Variants in ARG2 observed in about 807,000 individuals in gnomAD.
ARG2 encodes arginase-2, mitochondrial.
A neutral mutation model predicts 39.4 loss-of-function variants in ARG2; 21 were observed. The observed-to-expected ratio is 0.53, with a 90% CI of 0.38 to 0.77. The LOEUF is 0.77. Ranked by LOEUF, ARG2 falls within the 30% of genes least tolerant of loss-of-function variation. The probability of loss-of-function intolerance (pLI) is 0.00; values close to 1 mark genes in which losing one functional copy is unlikely to be tolerated. For missense variants in ARG2, 378 were observed against 426.2 expected (o/e 0.89, Z 1.00); for synonymous variants, 150 against 156.7 (o/e 0.96, Z 0.32).
At chr14:67,640,665 C>G (rs1416137651) in intron 2 of ARG2, among the ~76,000 whole-genome samples, 2 of 152,166 alleles carry the variant, frequency 1.3e-5, no homozygotes, top group African/African-American at 4.8e-5. Context: ...CCCACCAATA[C>G]CAGGACCCTA....
At chr14:67,640,082 A>G (rs1307125821) in intron 2 of ARG2, among the ~76,000 whole-genome samples, 2 of 152,114 alleles carry the variant, frequency 1.3e-5, no homozygotes, top group African/African-American at 2.4e-5. Context: ...TGAAGTCCAT[A>G]ATGACTTTAC....
intron 1 of ARG2, 109 bp downstream of exon 1, chr14:67,620,197 A>C: frequency 1.4e-6 from 1 of 694,034 alleles, no homozygotes; most frequent in Non-Finnish European, 2.3e-6. Flanking sequence ...GATGGGGAGA[A>C]ATGGCGAGGG....
chr14:67,624,281 T>C (rs980193610), intron 2 of ARG2, among the ~76,000 whole-genome samples: 2 of 97,778 alleles, frequency 2.0e-5, no homozygotes, highest in African/African-American at 1.2e-4. Context: ...AAATCTGTGT[T>C]GTTTTAAAAT....
Position 67,650,927 on chromosome 14 carries a change from CTG to C in ARG2, c.*10_*11del, listed in dbSNP as rs1425520932. 1.9e-5 allele frequency: 30 copies of C among 1,612,788 alleles called. No homozygotes were observed. Among genetic ancestry groups the C allele is most frequent in the Non-Finnish European group, 2.5e-5 (29 of 1,179,286 alleles). On this transcript the variant is annotated 3_prime_UTR_variant, in exon 8 of 8. Transcript: ENST00000261783. ...AGCACGTGTGAGAATTTAGGAGACACTGTGCACTGACATGTTTCACAACAGGC... is the reference window on the plus strand; with the variant it reads ...AGCACGTGTGAGAATTTAGGAGACACTGCACTGACATGTTTCACAACAGGC...
At chr14:67,631,652 T>C (rs2036920479) in intron 2 of ARG2, among the ~76,000 whole-genome samples, 1 of 152,038 alleles carries the variant, frequency 6.6e-6, no homozygotes, top group Non-Finnish European at 1.5e-5. Context: ...GGCTGGTGTT[T>C]AACTCCTGGC....
At chr14:67,633,373 C>T (rs965496881) in intron 2 of ARG2, among the ~76,000 whole-genome samples, 13 of 151,976 alleles carry the variant, frequency 8.6e-5, no homozygotes, top group African/African-American at 2.7e-4. Context: ...TATTCTATGG[C>T]GATGTATACT....
intron 7 of ARG2, chr14:67,648,679 G>T (rs2037133294): frequency 6.6e-6 from 1 of 152,368 alleles, no homozygotes; most frequent in African/African-American, 2.4e-5. Flanking sequence ...TAATAAGGGG[G>T]ATACAGTTAG....
intron 2 of ARG2, among the ~76,000 whole-genome samples, chr14:67,624,959 C>T (rs1594821751): frequency 6.6e-6 from 1 of 152,124 alleles, no homozygotes; most frequent in Non-Finnish European, 1.5e-5. Flanking sequence ...ACAGTGAAAC[C>T]AGGAGGCTGG....
At chr14:67,635,805 T>C (rs1374302327) in intron 2 of ARG2, among the ~76,000 whole-genome samples, 1 of 152,122 alleles carries the variant, frequency 6.6e-6, no homozygotes, top group Non-Finnish European at 1.5e-5. Context: ...TGAGCCAAGA[T>C]CACGCCACTT....
intron 4 of ARG2, 75 bp from the exon 5 acceptor site, chr14:67,646,569 C>A: frequency 8.3e-7 from 1 of 1,203,158 alleles, no homozygotes; most frequent in Non-Finnish European, 1.2e-6. Context: ...ATTGCATACC[C>A]ACGGACGCAC....
At chr14:67,636,188 C>T (rs2036970202) in intron 2 of ARG2, among the ~76,000 whole-genome samples, 1 of 152,038 alleles carries the variant, frequency 6.6e-6, no homozygotes, top group South Asian at 2.1e-4. Context: ...AAACCCATCT[C>T]TCTTGACTTG....
rs1166517212 is a variant in ARG2, at chr14:67,632,734, A to G, written c.185-9452A>G. 2.6e-5 allele frequency among the ~76,000 whole-genome samples: 4 copies of G among 151,648 alleles called. No homozygotes were observed. In the East Asian group the frequency reaches 7.7e-4, roughly 29 times the overall value. ...AGATTCACATAAATTTGAAAAGCAC[A>G]CAAATATTATGAAATAGAAGGAAGG... On this transcript the variant is annotated intron_variant, in intron 2 of 7. Transcript: ENST00000261783.
chr14:67,636,941 C>G (rs2140750975), intron 2 of ARG2, among the ~76,000 whole-genome samples: 1 of 152,332 alleles, frequency 6.6e-6, no homozygotes, highest in Non-Finnish European at 1.5e-5. Flanking sequence ...ATGAATTGAC[C>G]TGATGCACAG....
Position 67,619,933 on chromosome 14 carries a change from A to G in ARG2, c.-45A>G, listed in dbSNP as rs1424338095. 1 of 1,364,336 alleles carries G rather than the reference A, an allele frequency of 7.3e-7. No individual in the cohort carries two copies. The highest frequency in any genetic ancestry group is 9.8e-7 in the Non-Finnish European group (1 of 1,015,856). The allele number at this position is 1,364,336 out of a possible 1,614,324, so 84.5% of individuals were successfully genotyped here. A position where few individuals can be genotyped will look rare whatever the true frequency, so the allele number is the denominator to read the frequency against. ...GCGGTGGCGCTCACTCCCGGCTTCC[A>G]ACCGCGCGGAGCCTCTGCCTTGGAG... On this transcript the variant is annotated 5_prime_UTR_variant, in exon 1 of 8. Coordinates refer to ENST00000261783, the MANE Select transcript of ARG2 (RefSeq NM_001172.4).
chr14:67,644,843 A>C (rs1210014537), intron 3 of ARG2, among the ~76,000 whole-genome samples: 1 of 152,032 alleles, frequency 6.6e-6, no homozygotes. Flanking sequence ...CTAAAAATAC[A>C]AAAAATTAGC....
At chr14:67,631,319 A>G (rs971011277) in intron 2 of ARG2, among the ~76,000 whole-genome samples, 1 of 152,142 alleles carries the variant, frequency 6.6e-6, no homozygotes, top group Non-Finnish European at 1.5e-5. Flanking sequence ...CAATGAACAG[A>G]TGAACAGTGT....
In ARG2 at chr14:67,651,332, T is replaced by C. The variant is rs1205964236; in HGVS notation, c.*412T>C. On this transcript the variant is annotated 3_prime_UTR_variant, in exon 8 of 8. Coordinates refer to ENST00000261783, the MANE Select transcript of ARG2 (RefSeq NM_001172.4). ...GCTTATTCTATCCACATCCCTAACA[T>C]CATGCATTCACAAGGTCAAAGTTCT... The C allele has an allele frequency of 6.2e-7, 1 of 1,611,480 alleles. No individual in the cohort carries two copies. Among genetic ancestry groups the C allele is most frequent in the Non-Finnish European group, 8.5e-7 (1 of 1,178,404 alleles).
chr14:67,646,067 G>A (rs1300264128), intron 4 of ARG2, among the ~76,000 whole-genome samples: 1 of 152,172 alleles, frequency 6.6e-6, no homozygotes, highest in Non-Finnish European at 1.5e-5. Context: ...CTTGGTTAGA[G>A]GCTCCCAGGC....
chr14:67,630,818 T>G (rs2036911352), intron 2 of ARG2, among the ~76,000 whole-genome samples: 1 of 152,134 alleles, frequency 6.6e-6, no homozygotes, highest in African/African-American at 2.4e-5. Context: ...CTCCTGACCT[T>G]GTGATCCACC....
Sources: gnomAD v4.1 joint callset for allele counts (sites outside exome capture counted in the v4.1 genomes callset) on GRCh38, gnomAD v4.1.1 for gene constraint, MANE v1.5 for transcripts, NCBI Gene and HGNC (gene_info 2026-07-23, HGNC 2026-07-21) for gene names.